The following TULP3 variants were observed in gnomAD, a reference collection of about 807,000 sequenced individuals.
The protein encoded by TULP3 is tubby-related protein 3.
Under a neutral mutation model 50.7 loss-of-function variants are expected in TULP3, and 38 were observed. That is an observed-to-expected ratio of 0.75 (90% CI 0.58 to 0.98). The LOEUF (loss-of-function observed/expected upper bound fraction) is 0.98. Among genes scored for constraint, TULP3 ranks in the 50% least tolerant of loss-of-function variants. TULP3 has a pLI of 0.00. For missense variants in TULP3, 550 were observed against 568.0 expected, an observed-to-expected ratio of 0.97 and a Z score of 0.32; for synonymous variants, 183 against 196.6, an observed-to-expected ratio of 0.93 and a Z score of 0.58.
intron 1 of TULP3, among the ~76,000 whole-genome samples, chr12:2,892,264 T>A (rs1307157285): frequency 6.7e-6 from 1 of 149,678 alleles, no homozygotes; most frequent in East Asian, 1.9e-4. Context: ...TTCACTGTGC[T>A]TTTTTTTTTC....
At position 2,932,015 on chromosome 12, in the gene TULP3, A is replaced by G. The variant is rs114754013; in HGVS notation, c.696+775A>G. 6.9e-3 allele frequency among the ~76,000 whole-genome samples: 1,047 copies of G among 152,244 alleles called. 13 individuals carry two copies. The highest frequency in any genetic ancestry group is 0.024 in the African/African-American group (985 of 41,554). The stretch of plus-strand genomic sequence containing the variant: ...ATTCAAACCTATTTTGCATAATTCT[A>G]AAGTCTTCCTGCTTAGCCACTGCCA... On this transcript the variant is annotated intron_variant, in intron 6 of 10. Coordinates refer to ENST00000448120, the MANE Select transcript of TULP3 (RefSeq NM_003324.5).
intron 3 of TULP3, 27 bp from the exon 4 acceptor site, chr12:2,922,235 T>C: frequency 6.2e-7 from 1 of 1,604,604 alleles, no homozygotes. Flanking sequence ...GCTCCTTTTT[T>C]AAAATTCATT....
rs531666018 is a variant in TULP3 at position 2,893,551 on chromosome 12, C to T, written c.41+2563C>T. Among the ~76,000 whole-genome samples, 7 of 151,550 alleles carry T rather than the reference C, an allele frequency of 4.6e-5. No homozygotes were observed. The East Asian group carries it at 7.9e-4, about 17-fold the overall frequency. On this transcript the variant is annotated intron_variant, in intron 1 of 10. Transcript: ENST00000448120. ...GGTCAGGCTGGTCTTGAACTCCCGA[C>T]CTCAGGGGATTCGCCCGCCTCGGCC...
rs574219535 is a variant in TULP3 at position 2,940,395 on chromosome 12, G to C, written c.*951G>C. The C allele has an allele frequency of 1.1e-5, 16 of 1,454,970 alleles. No homozygotes were observed. Among genetic ancestry groups the C allele is most frequent in the Admixed American group, 1.0e-4 (4 of 38,624 alleles). The allele number at this position is 1,454,970 out of a possible 1,614,324, so 90.1% of individuals were successfully genotyped here. On this transcript the variant is annotated 3_prime_UTR_variant, in exon 11 of 11. Transcript: ENST00000448120. The stretch of plus-strand genomic sequence containing the variant: ...CAGCAGACATGAGCACTGCTGGCCC[G>C]TGTGGCAGAGCTGTGGACTTTCTTC...
intron 4 of TULP3, among the ~76,000 whole-genome samples, chr12:2,927,745 A>G (rs367828270): frequency 6.1e-4 from 93 of 152,234 alleles, no homozygotes; most frequent in African/African-American, 2.2e-3. Flanking sequence ...ATAAAAATAG[A>G]TCATTTTTCT....
intron 1 of TULP3, among the ~76,000 whole-genome samples, chr12:2,907,489 A>G (rs571870827): frequency 4.9e-4 from 73 of 149,754 alleles, no homozygotes; most frequent in Non-Finnish European, 9.2e-4. Context: ...AAAAAAAAAA[A>G]ATACAAAAAT....
At chr12:2,893,397 T>C (rs2098173466) in intron 1 of TULP3, among the ~76,000 whole-genome samples, 2 of 148,520 alleles carry the variant, frequency 1.3e-5, no homozygotes, top group Admixed American at 1.4e-4. Context: ...GGCGCCATCT[T>C]GGCTTACTTG....
rs1220540022 is a variant in TULP3, at chr12:2,920,820, C to G, written c.151C>G (p.Pro51Ala). The G allele has an allele frequency of 6.2e-7, 1 of 1,614,148 alleles. No homozygotes were observed. Among genetic ancestry groups the G allele is most frequent in the South Asian group, 1.1e-5 (1 of 91,084 alleles). Residue 51 changes from proline to alanine, a missense_variant, in exon 3 of 11, where the codon CCC becomes GCC. Physicochemically the swap from Pro to Ala is conservative, Grantham distance 27. Coordinates refer to ENST00000448120, the MANE Select transcript of TULP3 (RefSeq NM_003324.5). ...KKRLEPFMVQ[P>A]NPEARLRRAK... ...GCGCCTTGAGCCATTTATGGTGCAG[C>G]CCAATCCAGAAGCCAGGCTACGTCG...
In TULP3 at chr12:2,937,013, C is replaced by G. The variant is rs1036568730; in HGVS notation, c.925-618C>G. On this transcript the variant is annotated intron_variant, in intron 8 of 10. Coordinates refer to ENST00000448120, the MANE Select transcript of TULP3 (RefSeq NM_003324.5). ...TAGTCCCAGGCTGAGGCACAGGAAT[C>G]GCTTGAACCCAGGAGGTGGAGATTG... is the stretch of plus-strand genomic sequence containing the variant. Among the ~76,000 whole-genome samples the G allele has an allele frequency of 2.7e-5, 4 of 149,734 alleles. No homozygotes were observed. The East Asian group carries it at 8.2e-4, about 31-fold the overall frequency.
intron 8 of TULP3, among the ~76,000 whole-genome samples, chr12:2,936,086 G>GTGAGACCCTATCTTCA (rs2098201080): frequency 6.6e-6 from 1 of 151,914 alleles, no homozygotes; most frequent in African/African-American, 2.4e-5. Context: ...GGCCAACATG[G>GTGAGACCCTATCTTCA]CAAAAACCCG....
intron 1 of TULP3, among the ~76,000 whole-genome samples, chr12:2,901,255 C>T (rs1425940888): frequency 4.0e-5 from 6 of 150,122 alleles, no homozygotes; most frequent in East Asian, 3.9e-4. Flanking sequence ...CTGGGACCAC[C>T]GGAGCGCTCC....
chr12:2,917,747 G>A (rs1021234142), intron 2 of TULP3, among the ~76,000 whole-genome samples: 1 of 149,610 alleles, frequency 6.7e-6, no homozygotes, highest in Non-Finnish European at 1.5e-5. Flanking sequence ...CGCGGTGCCG[G>A]ACGCCTGTAG....
intron 4 of TULP3, among the ~76,000 whole-genome samples, chr12:2,923,418 G>C (rs2098192904): frequency 6.6e-6 from 1 of 152,090 alleles, no homozygotes; most frequent in Admixed American, 6.6e-5. Flanking sequence ...ACTTTGGGAG[G>C]CCAAGGTGGG....
At chr12:2,899,380 T>G (rs2098177536) in intron 1 of TULP3, among the ~76,000 whole-genome samples, 1 of 151,012 alleles carries the variant, frequency 6.6e-6, no homozygotes, top group Non-Finnish European at 1.5e-5. Flanking sequence ...AAATTCATTC[T>G]TAGCTCAAAG....
chr12:2,899,559 C>T (rs995359563), intron 1 of TULP3, among the ~76,000 whole-genome samples: 1 of 152,014 alleles, frequency 6.6e-6, no homozygotes, highest in African/African-American at 2.4e-5. Flanking sequence ...GAACCCGTTA[C>T]CTTATGGAAT....
chr12:2,927,857 G>A (rs1203123303), intron 4 of TULP3, among the ~76,000 whole-genome samples: 3 of 152,052 alleles, frequency 2.0e-5, no homozygotes, highest in Non-Finnish European at 4.4e-5. Flanking sequence ...TCAGTGAGGG[G>A]TAACTTCACC....
At chr12:2,909,402 G>A in intron 1 of TULP3, 127 bp from the exon 2 acceptor site, 1 of 821,104 alleles carries the variant, frequency 1.2e-6, no homozygotes, top group South Asian at 1.8e-5. Flanking sequence ...GCCTCTAGAA[G>A]CTGATGCCTT....
chr12:2,897,607 T>C (rs887226745), intron 1 of TULP3, among the ~76,000 whole-genome samples: 3 of 148,330 alleles, frequency 2.0e-5, no homozygotes, highest in African/African-American at 7.5e-5. Context: ...CCCCTGTCTG[T>C]CTGTTGGTCT....
At chr12:2,900,824 C>T (rs138065890) in intron 1 of TULP3, among the ~76,000 whole-genome samples, 4,033 of 151,794 alleles carry the variant, frequency 0.027, 184 homozygotes, top group African/African-American at 0.093. Flanking sequence ...ATCCTCCCAC[C>T]TCAGCCTCCC....
Sources: gnomAD v4.1 joint callset for allele counts (sites outside exome capture counted in the v4.1 genomes callset) on GRCh38, gnomAD v4.1.1 for gene constraint, MANE v1.5 for transcripts, NCBI Gene and HGNC (gene_info 2026-07-23, HGNC 2026-07-21) for gene names.